The following ARHGEF26 variants were observed in gnomAD, a reference collection of about 807,000 sequenced individuals.
ARHGEF26 encodes the protein Rho guanine nucleotide exchange factor (GEF) 26.
ARHGEF26 carries 59 observed loss-of-function variants against 89.4 expected under a neutral mutation model. The observed-to-expected ratio is 0.66, with a 90% CI of 0.54 to 0.82. ARHGEF26 has a LOEUF of 0.82. Ranked by LOEUF, ARHGEF26 falls within the 40% of genes least tolerant of loss-of-function variation. The pLI, the probability that ARHGEF26 is intolerant of heterozygous loss-of-function variation, is 0.00. For missense variants in ARHGEF26, 1,234 were observed against 1,085.6 expected (o/e 1.14, Z -1.92); for synonymous variants, 500 against 428.4 (o/e 1.17, Z -2.06).
chr3:154,222,874 T>G (rs1201024670), intron 10 of ARHGEF26, among the ~76,000 whole-genome samples: 2 of 152,094 alleles, frequency 1.3e-5, no homozygotes, highest in Non-Finnish European at 2.9e-5. Flanking sequence ...GAATAAGGCC[T>G]TAGAGCTGAA....
chr3:154,195,710 C>T (rs1223809389), intron 9 of ARHGEF26, among the ~76,000 whole-genome samples: 1 of 152,038 alleles, frequency 6.6e-6, no homozygotes, highest in African/African-American at 2.4e-5. Flanking sequence ...ATAGAACGTC[C>T]AAGTTGGCTA....
chr3:154,197,329 A>G (rs1320617247), intron 9 of ARHGEF26, among the ~76,000 whole-genome samples: 1 of 152,216 alleles, frequency 6.6e-6, no homozygotes, highest in Non-Finnish European at 1.5e-5. Context: ...GAGGTTTTAT[A>G]GAATCTGGGA....
At chr3:154,178,865 A>G (rs1713000607) in intron 6 of ARHGEF26, among the ~76,000 whole-genome samples, 1 of 152,096 alleles carries the variant, frequency 6.6e-6, no homozygotes, top group Non-Finnish European at 1.5e-5. Flanking sequence ...ACCTCAGTTC[A>G]GCTTTTTCCA....
At chr3:154,196,951 A>G (rs2108199563) in intron 9 of ARHGEF26, among the ~76,000 whole-genome samples, 1 of 152,276 alleles carries the variant, frequency 6.6e-6, no homozygotes, top group South Asian at 2.1e-4. Context: ...TGTTGAATTA[A>G]ACCTGGAATG....
At chr3:154,135,663 A>G (rs1305477018) in intron 4 of ARHGEF26, among the ~76,000 whole-genome samples, 1 of 152,192 alleles carries the variant, frequency 6.6e-6, no homozygotes, top group East Asian at 1.9e-4. Flanking sequence ...TGGGAAAAGC[A>G]TGTGGGTTTG....
intron 11 of ARHGEF26, among the ~76,000 whole-genome samples, chr3:154,227,292 A>ATT (rs10707250): frequency 1.8e-5 from 2 of 111,708 alleles, no homozygotes; most frequent in Non-Finnish European, 3.7e-5. Flanking sequence ...CTAAGTAAAA[A>ATT]TTTTTTTTTT....
At chr3:154,126,440 T>C (rs2108040048) in intron 3 of ARHGEF26, among the ~76,000 whole-genome samples, 1 of 152,290 alleles carries the variant, frequency 6.6e-6, no homozygotes, top group South Asian at 2.1e-4. Flanking sequence ...TATCCGGTCT[T>C]TCACCAGTCT....
chr3:154,214,766 C>T (rs1310998419), intron 9 of ARHGEF26, among the ~76,000 whole-genome samples: 1 of 152,144 alleles, frequency 6.6e-6, no homozygotes, highest in Admixed American at 6.5e-5. Context: ...GCTTGGGTTT[C>T]ACCCTGATAT....
chr3:154,149,580 A>G lies in ARHGEF26; in HGVS notation c.1326+135A>G, dbSNP rs1375534341. 5.4e-6 allele frequency: 4 copies of G among 734,148 alleles called. No homozygotes were observed. In the Admixed American group the frequency reaches 9.8e-5, roughly 18 times the overall value. 45.5% of individuals were successfully genotyped at this position (734,148 alleles called of 1,614,324 possible). ...ATGTATTTGTTTAACAAAAGCAGTA[A>G]GTGATCATTTTAATGTAAAGCTACG... is the stretch of plus-strand genomic sequence containing the variant. On this transcript the variant is annotated intron_variant, in intron 5 of 14. Coordinates refer to ENST00000465093, the MANE Select transcript of ARHGEF26 (RefSeq NM_015595.4).
upstream of ARHGEF26, chr3:154,121,007 C>T (rs933583724): frequency 2.0e-5 from 3 of 152,184 alleles, no homozygotes; most frequent in African/African-American, 7.2e-5. Flanking sequence ...TGCGTTAGAA[C>T]TCTGCGCTAC....
At chr3:154,156,205 T>C (rs1172399255) in intron 6 of ARHGEF26, among the ~76,000 whole-genome samples, 1 of 152,062 alleles carries the variant, frequency 6.6e-6, no homozygotes, top group Non-Finnish European at 1.5e-5. Context: ...GGGAGGTCAC[T>C]GGATATGGCT....
rs1267843662 is a variant in ARHGEF26, at chr3:154,240,376, A to C, written c.2097A>C (p.Glu699Asp). ...VLIITKKKSE[E>D]SYNVNDYSLR... The stretch of plus-strand genomic sequence containing the variant: ...TTTTCCCTTTCCTTTACAGTGAAGA[A>C]AGTTACAACGTCAATGATTATTCCT... Residue 699 changes from glutamate to aspartate, a missense_variant, in exon 12 of 15, where the codon GAA (glutamate) becomes GAC (aspartate). Transcript: ENST00000465093. 6 of 1,602,290 alleles carry C rather than the reference A, an allele frequency of 3.7e-6. 1 individual carries two copies. The South Asian group carries it at 4.5e-5, about 12-fold the overall frequency.
At chr3:154,160,174 AT>A (rs1414876369) in intron 6 of ARHGEF26, among the ~76,000 whole-genome samples, 5 of 152,198 alleles carry the variant, frequency 3.3e-5, no homozygotes, top group African/African-American at 1.2e-4. Flanking sequence ...AAAGAAGTTT[AT>A]TTGAAATTCA....
chr3:154,151,736 C>T (rs1720036157), intron 5 of ARHGEF26, among the ~76,000 whole-genome samples: 1 of 152,094 alleles, frequency 6.6e-6, no homozygotes, highest in South Asian at 2.1e-4. Context: ...CACTTCTAAC[C>T]TGATTTATAA....
intron 9 of ARHGEF26, among the ~76,000 whole-genome samples, chr3:154,196,189 C>T (rs1410245663): frequency 6.6e-6 from 1 of 152,012 alleles, no homozygotes. Context: ...TGGTAGCTAA[C>T]TGTCTAAATT....
chr3:154,149,251 T>G (rs202150589), intron 4 of ARHGEF26, 138 bp from the exon 5 acceptor site: 2 of 7,850 alleles, frequency 2.5e-4, no homozygotes, highest in African/African-American at 1.5e-3. Flanking sequence ...ATTAATAAAT[T>G]AATATTGATG....
At chr3:154,250,373 C>T (rs1718061414) in intron 12 of ARHGEF26, among the ~76,000 whole-genome samples, 1 of 151,630 alleles carries the variant, frequency 6.6e-6, no homozygotes, top group African/African-American at 2.4e-5. Context: ...GTGGATTTGA[C>T]AGCATCTAAG....
chr3:154,235,148 C>G (rs758601780), intron 11 of ARHGEF26, among the ~76,000 whole-genome samples: 1 of 151,962 alleles, frequency 6.6e-6, no homozygotes, highest in Non-Finnish European at 1.5e-5. Flanking sequence ...CTACTCCCTG[C>G]CATCTCTCAA....
intron 6 of ARHGEF26, among the ~76,000 whole-genome samples, chr3:154,171,604 G>GT (rs1712443542): frequency 6.6e-6 from 1 of 152,104 alleles, no homozygotes; most frequent in African/African-American, 2.4e-5. Flanking sequence ...ATGCTGTTGA[G>GT]TTTTGCAGTA....
Sources: allele counts gnomAD v4.1 joint callset (sites outside exome capture counted in the v4.1 genomes callset), GRCh38; gene constraint gnomAD v4.1.1; transcripts MANE v1.5; gene names NCBI Gene and HGNC (gene_info 2026-07-23, HGNC 2026-07-21).